Variants in BICD1 observed in about 807,000 individuals in gnomAD.
The protein encoded by BICD1 is protein bicaudal D homolog 1.
BICD1 carries 35 observed loss-of-function variants against 92.5 expected under a neutral mutation model. The ratio of observed to expected loss-of-function variants is 0.38; its 90% CI spans 0.29 to 0.50. The LOEUF (loss-of-function observed/expected upper bound fraction) is 0.50, where lower values mean the gene tolerates loss of function less well. Ranked by LOEUF, BICD1 falls within the 20% of genes least tolerant of loss-of-function variation. BICD1 has a pLI of 0.93. For synonymous variants in BICD1, 429 were observed against 465.1 expected (o/e 0.92, Z 1.00); for missense variants, 950 against 1,189.8 (o/e 0.80, Z 2.97).
At chr12:32,201,796 CACAA>C (rs1944913152) in intron 1 of BICD1, among the ~76,000 whole-genome samples, 1 of 149,566 alleles carries the variant, frequency 6.7e-6, no homozygotes, top group African/African-American at 2.5e-5. Context: ...AAAAAAAAAA[CACAA>C]TCTTTGAAAA....
chr12:32,158,007 A>T (rs1592389831), intron 1 of BICD1, among the ~76,000 whole-genome samples: 1 of 152,172 alleles, frequency 6.6e-6, no homozygotes, highest in East Asian at 1.9e-4. Flanking sequence ...AGTTTTCTTA[A>T]GAATTAAATG....
chr12:32,149,553 A>G (rs148578612), intron 1 of BICD1, among the ~76,000 whole-genome samples: 7 of 152,366 alleles, frequency 4.6e-5, no homozygotes, highest in African/African-American at 1.7e-4. Flanking sequence ...ATAAAGTTAC[A>G]TTATAGATGT....
At chr12:32,159,173 A>T (rs948323070) in intron 1 of BICD1, among the ~76,000 whole-genome samples, 1 of 151,994 alleles carries the variant, frequency 6.6e-6, no homozygotes, top group Non-Finnish European at 1.5e-5. Flanking sequence ...ACCTCATGTG[A>T]TCCACCCACC....
At chr12:32,177,127 C>T (rs574479640) in intron 1 of BICD1, among the ~76,000 whole-genome samples, 1 of 151,922 alleles carries the variant, frequency 6.6e-6, no homozygotes, top group African/African-American at 2.4e-5. Context: ...CCAGCCTGGC[C>T]AACATGGTGA....
chr12:32,332,050 AATGAGATC>A lies in BICD1; in HGVS notation c.2101-2462_2101-2455del, dbSNP rs1937898973. Among the ~76,000 whole-genome samples, 7 of 152,316 alleles carry A rather than the reference AATGAGATC, an allele frequency of 4.6e-5. No homozygotes were observed. In the South Asian group the frequency reaches 1.4e-3, roughly 32 times the overall value. ...ACTATACAGCCATAAGAAAGAAAAG[AATGAGATC>A]ATGTCATTTACAGGGACATGGTTGG... On this transcript the variant is annotated intron_variant, in intron 5 of 9. Transcript: ENST00000652176.
At chr12:32,267,271 A>G (rs920713719) in intron 2 of BICD1, among the ~76,000 whole-genome samples, 2 of 152,232 alleles carry the variant, frequency 1.3e-5, no homozygotes, top group Non-Finnish European at 2.9e-5. Flanking sequence ...CAGTGTATAC[A>G]ATGAACTGTA....
chr12:32,347,475 T>TA (rs1938675205), intron 8 of BICD1, among the ~76,000 whole-genome samples: 1 of 151,184 alleles, frequency 6.6e-6, no homozygotes, highest in African/African-American at 2.4e-5. Flanking sequence ...CCGTCTCTAC[T>TA]AAAAATACAA....
rs188423642 is a variant in BICD1, at chr12:32,144,451, G to A, written c.213+36907G>A. Among the ~76,000 whole-genome samples the A allele has an allele frequency of 6.6e-5, 10 of 152,250 alleles. No homozygotes were observed. The East Asian group carries it at 1.5e-3, about 23-fold the overall frequency. On this transcript the variant is annotated intron_variant, in intron 1 of 9. Transcript: ENST00000652176. ...TGTTTCTGCTTAAATTGTAATGAGTGTACAAGAGGCATAAATCCACAGTGG... is the reference window on the plus strand; with the variant it reads ...TGTTTCTGCTTAAATTGTAATGAGTATACAAGAGGCATAAATCCACAGTGG...
At chr12:32,141,608 G>A (rs1219042741) in intron 1 of BICD1, among the ~76,000 whole-genome samples, 7 of 152,008 alleles carry the variant, frequency 4.6e-5, no homozygotes, top group African/African-American at 1.7e-4. Context: ...CGAGTAGCTC[G>A]GAGTACAGGC....
intron 4 of BICD1, 150 bp downstream of exon 4, chr12:32,306,272 C>G: frequency 1.0e-6 from 1 of 954,612 alleles, no homozygotes; most frequent in Non-Finnish European, 1.5e-6. Flanking sequence ...GAGACAGAGT[C>G]TTGCTCCATC....
In BICD1 at chr12:32,328,604, T is replaced by C; in HGVS notation, c.2100+49T>C. 1 of 1,556,064 alleles carries C rather than the reference T, an allele frequency of 6.4e-7. No homozygotes were observed. The highest frequency in any genetic ancestry group is 1.4e-5 in the African/African-American group (1 of 72,990). On this transcript the variant is annotated intron_variant, in intron 5 of 9. Coordinates refer to ENST00000652176, the MANE Select transcript of BICD1 (RefSeq NM_001714.4). This position sits in a 1 kb window ranked among gnomAD's most constrained non-coding sequence, Gnocchi z 4.4. ...GCATGCCAGTCAAAGCTTTCTTAAC[T>C]AATTTATTCCCTAATTTTATTGAGT...
At chr12:32,325,392 T>C (rs923763790) in intron 4 of BICD1, among the ~76,000 whole-genome samples, 1 of 152,174 alleles carries the variant, frequency 6.6e-6, no homozygotes, top group African/African-American at 2.4e-5. Context: ...TTTTATAGAC[T>C]GAAGTGCTGG....
chr12:32,295,580 T>C (rs924228565), intron 3 of BICD1, among the ~76,000 whole-genome samples: 3 of 151,580 alleles, frequency 2.0e-5, no homozygotes, highest in East Asian at 3.9e-4. Flanking sequence ...GATTGATAGA[T>C]ATAAGGGTTA....
At chr12:32,288,107 A>T (rs989645978) in intron 2 of BICD1, among the ~76,000 whole-genome samples, 1 of 152,172 alleles carries the variant, frequency 6.6e-6, no homozygotes, top group Non-Finnish European at 1.5e-5. Flanking sequence ...GTGGGTCATA[A>T]CAAATCCAAA....
At chr12:32,134,723 C>A (rs1446875512) in intron 1 of BICD1, among the ~76,000 whole-genome samples, 1 of 152,118 alleles carries the variant, frequency 6.6e-6, no homozygotes, top group African/African-American at 2.4e-5. Flanking sequence ...GGCACCAGTC[C>A]TGTGGTTTGT....
intron 2 of BICD1, among the ~76,000 whole-genome samples, chr12:32,245,526 A>G (rs1296536055): frequency 6.6e-6 from 1 of 152,230 alleles, no homozygotes; most frequent in Non-Finnish European, 1.5e-5. Flanking sequence ...AGGAGGCCAT[A>G]TAGCTTAGCA....
At chr12:32,109,790 T>C (rs147921621) in intron 1 of BICD1, among the ~76,000 whole-genome samples, 1 of 152,102 alleles carries the variant, frequency 6.6e-6, no homozygotes, top group East Asian at 1.9e-4. Flanking sequence ...GTTGGAAATA[T>C]AACTTAAATG....
At chr12:32,203,739 C>T (rs1203380840) in intron 1 of BICD1, among the ~76,000 whole-genome samples, 1 of 152,084 alleles carries the variant, frequency 6.6e-6, no homozygotes, top group East Asian at 1.9e-4. Context: ...TAAGTCCCCT[C>T]GAGAAGCCCT....
chr12:32,243,530 A>G (rs1022430157), intron 2 of BICD1, among the ~76,000 whole-genome samples: 2 of 152,052 alleles, frequency 1.3e-5, no homozygotes, highest in African/African-American at 4.8e-5. Flanking sequence ...TATTTCATCA[A>G]TTTTACACAT....
Sources: gnomAD v4.1 joint callset for allele counts (sites outside exome capture counted in the v4.1 genomes callset) on GRCh38, gnomAD v4.1.1 for gene constraint, Gnocchi (gnomAD v3.1) non-coding constraint, MANE v1.5 for transcripts, NCBI Gene and HGNC (gene_info 2026-07-23, HGNC 2026-07-21) for gene names.